Variants in WASF3 observed in about 807,000 individuals in gnomAD.
The protein encoded by WASF3 is actin-binding protein WASF3.
WASF3 carries 11 observed loss-of-function variants against 46.6 expected under a neutral mutation model. The observed-to-expected ratio is 0.24, with a 90% CI of 0.15 to 0.39. WASF3 has a LOEUF of 0.39. WASF3 is among the 10% of genes least tolerant of loss of function. WASF3 has a pLI of 1.00. For missense variants in WASF3, 576 were observed against 669.8 expected, an observed-to-expected ratio of 0.86 and a Z score of 1.55; for synonymous variants, 242 against 259.7, an observed-to-expected ratio of 0.93 and a Z score of 0.65.
intron 2 of WASF3, among the ~76,000 whole-genome samples, chr13:26,632,711 C>G (rs543575911): frequency 1.3e-5 from 2 of 152,336 alleles, no homozygotes; most frequent in East Asian, 1.9e-4. Flanking sequence ...AAGATTCCCT[C>G]TTTTTCTGTC....
chr13:26,556,225 ACCGAAGAGGGAAGCAG>A (rs955381158), upstream of WASF3, among the ~76,000 whole-genome samples: 2 of 152,232 alleles, frequency 1.3e-5, no homozygotes, highest in African/African-American at 2.4e-5. Flanking sequence ...GGCTGGGGTC[ACCGAAGAGGGAAGCAG>A]CCAGGGAAAT....
chr13:26,673,012 G>T (rs1389769961), intron 6 of WASF3, among the ~76,000 whole-genome samples: 11 of 152,132 alleles, frequency 7.2e-5, no homozygotes, highest in Admixed American at 7.2e-4. Context: ...TGGAAAAGTT[G>T]CTAGGTTTTG....
At chr13:26,671,393 A>G (rs183599192) in intron 5 of WASF3, among the ~76,000 whole-genome samples, 2 of 152,278 alleles carry the variant, frequency 1.3e-5, no homozygotes, top group Admixed American at 6.5e-5. Flanking sequence ...TCCTAATTGA[A>G]CTTATAGATG....
At chr13:26,554,090 TCC>T (rs1566032452), upstream of WASF3, among the ~76,000 whole-genome samples, 6 of 119,782 alleles carry the variant, frequency 5.0e-5, no homozygotes, top group Non-Finnish European at 1.0e-4. Context: ...CTTCCTTCCT[TCC>T]TTCCTTCTTT....
chr13:26,554,530 A>G (rs1449358701), upstream of WASF3, among the ~76,000 whole-genome samples: 1 of 152,240 alleles, frequency 6.6e-6, no homozygotes, highest in Non-Finnish European at 1.5e-5. Flanking sequence ...AGGTCCATAA[A>G]TACAGCAAAG....
chr13:26,543,259 A>T, the WASF3 span, among the ~76,000 whole-genome samples: 2 of 152,190 alleles, frequency 1.3e-5, no homozygotes, highest in Non-Finnish European at 2.9e-5. Context: ...TCCTCTGCAC[A>T]TGCAGGAGAG....
chr13:26,643,977 T>C (rs1186641954), intron 3 of WASF3, among the ~76,000 whole-genome samples: 2 of 152,208 alleles, frequency 1.3e-5, no homozygotes, highest in Non-Finnish European at 2.9e-5. Context: ...TTAGGATTGC[T>C]AGTCAGCTTA....
At chr13:26,664,220 G>A (rs758752097) in intron 3 of WASF3, among the ~76,000 whole-genome samples, 3 of 152,218 alleles carry the variant, frequency 2.0e-5, no homozygotes, top group Non-Finnish European at 2.9e-5. Flanking sequence ...GTGATAAACT[G>A]ATAGAAAATG....
intron 1 of WASF3, among the ~76,000 whole-genome samples, chr13:26,579,062 G>A (rs1320644125): frequency 1.6e-5 from 2 of 128,954 alleles, no homozygotes; most frequent in Non-Finnish European, 3.1e-5. Context: ...GAGCAGTGGT[G>A]CAATCATAGC....
chr13:26,562,752 G>T (rs1257183295), intron 1 of WASF3, among the ~76,000 whole-genome samples: 1 of 151,528 alleles, frequency 6.6e-6, no homozygotes, highest in African/African-American at 2.4e-5. Flanking sequence ...GGTGTTGAGG[G>T]AGGGAAGCTG....
At chr13:26,549,976 A>G in the WASF3 span, among the ~76,000 whole-genome samples, 2 of 152,230 alleles carry the variant, frequency 1.3e-5, no homozygotes, top group African/African-American at 4.8e-5. Context: ...CAACTGCAGC[A>G]GGTAATTTTG....
chr13:26,645,404 C>T (rs945511539), intron 3 of WASF3, among the ~76,000 whole-genome samples: 8 of 152,184 alleles, frequency 5.3e-5, no homozygotes, highest in Admixed American at 5.2e-4. Context: ...GCCACCTACT[C>T]TGTGGTCTTC....
intron 2 of WASF3, among the ~76,000 whole-genome samples, chr13:26,614,546 A>G (rs1266475317): frequency 6.6e-6 from 1 of 152,202 alleles, no homozygotes. Context: ...CTTATATTAG[A>G]AAATAAAAGT....
intron 1 of WASF3, among the ~76,000 whole-genome samples, chr13:26,568,285 C>T (rs1879533761): frequency 1.3e-5 from 2 of 152,118 alleles, no homozygotes. Context: ...TCTGTGTGCT[C>T]TGTGTGCTAG....
At position 26,604,479 on chromosome 13, in the gene WASF3, T is replaced by C. The variant is rs116243359; in HGVS notation, c.-108-8482T>C. Among the ~76,000 whole-genome samples the C allele has an allele frequency of 3.7e-3, 558 of 152,258 alleles. 5 individuals are homozygous for C. Among genetic ancestry groups the C allele is most frequent in the African/African-American group, 0.013 (525 of 41,486 alleles). Reference sequence around the variant, plus strand: ...TGGTGTATGCCTGAGATTTCACTTATAAACTTATAAATACATAATTAGTAT... The same window carrying C: ...TGGTGTATGCCTGAGATTTCACTTACAAACTTATAAATACATAATTAGTAT... On this transcript the variant is annotated intron_variant, in intron 1 of 9. Transcript: ENST00000335327.
chr13:26,632,884 T>C (rs924849032), intron 2 of WASF3, among the ~76,000 whole-genome samples: 4 of 152,186 alleles, frequency 2.6e-5, no homozygotes, highest in African/African-American at 9.7e-5. Flanking sequence ...TTCAACTTCT[T>C]CCTGGTTTAG....
At chr13:26,649,725 A>C (rs912976485) in intron 3 of WASF3, among the ~76,000 whole-genome samples, 1 of 152,184 alleles carries the variant, frequency 6.6e-6, no homozygotes, top group Non-Finnish European at 1.5e-5. Flanking sequence ...AGGTTCTTAC[A>C]TTGAAGATTG....
chr13:26,586,315 A>G (rs1327035501), intron 1 of WASF3, among the ~76,000 whole-genome samples: 1 of 152,034 alleles, frequency 6.6e-6, no homozygotes, highest in Admixed American at 6.5e-5. Flanking sequence ...TTCTTTTGGT[A>G]TAAGGGGTAA....
intron 5 of WASF3, among the ~76,000 whole-genome samples, chr13:26,670,347 G>C (rs1454237256): frequency 4.6e-5 from 7 of 151,962 alleles, no homozygotes; most frequent in Non-Finnish European, 1.0e-4. Flanking sequence ...GGCCTGTTGG[G>C]GGGTGAGGGA....
Sources: allele counts gnomAD v4.1 joint callset (sites outside exome capture counted in the v4.1 genomes callset), GRCh38; gene constraint gnomAD v4.1.1; transcripts MANE v1.5; gene names NCBI Gene and HGNC (gene_info 2026-07-23, HGNC 2026-07-21).